The following KLHL1 variants were observed in gnomAD, a reference collection of about 807,000 sequenced individuals.
KLHL1 encodes kelch like family member 1.
A neutral mutation model predicts 77.7 loss-of-function variants in KLHL1; 47 were observed. The observed-to-expected ratio is 0.60, with a 90% CI of 0.48 to 0.77. KLHL1 has a LOEUF of 0.77. KLHL1 is among the 30% of genes least tolerant of loss of function. The pLI, the probability that KLHL1 is intolerant of heterozygous loss-of-function variation, is 0.00. For missense variants in KLHL1, 925 were observed against 910.8 expected (o/e 1.02, Z -0.20); for synonymous variants, 360 against 325.2 (o/e 1.11, Z -1.15).
chr13:69,703,221 G>A (rs73520082), intron 10 of KLHL1, among the ~76,000 whole-genome samples: 1,913 of 151,414 alleles, frequency 0.013, 53 homozygotes, highest in African/African-American at 0.044. Flanking sequence ...CCATCGTCTG[G>A]TAATGTCATA....
intron 3 of KLHL1, among the ~76,000 whole-genome samples, chr13:69,943,703 C>T (rs188417246): frequency 1.8e-4 from 27 of 152,066 alleles, no homozygotes; most frequent in Admixed American, 9.8e-4. Flanking sequence ...GAAAATAATA[C>T]AAACACATTA....
chr13:69,753,740 T>C (rs946909790), intron 7 of KLHL1, among the ~76,000 whole-genome samples: 5 of 152,206 alleles, frequency 3.3e-5, no homozygotes, highest in Non-Finnish European at 5.9e-5. Context: ...TTCTCTACTG[T>C]ATTCTAACAG....
At chr13:69,810,838 C>T (rs1877848111) in intron 6 of KLHL1, among the ~76,000 whole-genome samples, 1 of 151,966 alleles carries the variant, frequency 6.6e-6, no homozygotes, top group African/African-American at 2.4e-5. Context: ...TCAGAGAGTG[C>T]TATGAACACC....
At chr13:69,847,101 T>C (rs983838798) in intron 5 of KLHL1, among the ~76,000 whole-genome samples, 3 of 151,430 alleles carry the variant, frequency 2.0e-5, no homozygotes, top group Non-Finnish European at 3.0e-5. Flanking sequence ...CTATATTGCC[T>C]GTATAGATGC....
At chr13:69,958,474 C>A (rs1046012324) in intron 3 of KLHL1, among the ~76,000 whole-genome samples, 3 of 151,638 alleles carry the variant, frequency 2.0e-5, no homozygotes, top group African/African-American at 7.3e-5. Flanking sequence ...ATCATTGAAG[C>A]TTATCTCAAA....
intron 3 of KLHL1, among the ~76,000 whole-genome samples, chr13:69,955,924 TATATATATTTG>T (rs1274206305): frequency 8.7e-6 from 1 of 115,336 alleles, no homozygotes; most frequent in African/African-American, 3.0e-5. Context: ...TATATATATT[TATATATATTTG>T]ATATATATTT....
intron 1 of KLHL1, among the ~76,000 whole-genome samples, chr13:70,071,897 C>A (rs1887146823): frequency 6.6e-6 from 1 of 151,836 alleles, no homozygotes; most frequent in African/African-American, 2.4e-5. Flanking sequence ...TTCAGCCCCC[C>A]AAAACTGGAA....
At chr13:69,808,183 C>T (rs1194017065) in intron 6 of KLHL1, among the ~76,000 whole-genome samples, 7 of 152,112 alleles carry the variant, frequency 4.6e-5, no homozygotes, top group East Asian at 1.9e-4. Flanking sequence ...AGTGGCTCTT[C>T]CCACTGGGCC....
At chr13:69,738,318 C>T (rs1482640141) in intron 8 of KLHL1, among the ~76,000 whole-genome samples, 1 of 152,086 alleles carries the variant, frequency 6.6e-6, no homozygotes, top group African/African-American at 2.4e-5. Flanking sequence ...GCTGAAAACT[C>T]AAAAAGCCAG....
intron 4 of KLHL1, among the ~76,000 whole-genome samples, chr13:69,885,474 G>A (rs1881181824): frequency 6.7e-6 from 1 of 150,300 alleles, no homozygotes; most frequent in African/African-American, 2.5e-5. Flanking sequence ...TCTCCTTGCT[G>A]TTTTATTTTT....
In KLHL1 at chr13:69,878,734, A is replaced by T. The variant is rs574055841; in HGVS notation, c.1227+3549T>A. On this transcript the variant is annotated intron_variant, in intron 5 of 10. Transcript: ENST00000377844. The stretch of plus-strand genomic sequence containing the variant: ...TATAGAGAGAGAGAGAGAGAGAGAG[A>T]GTGAGAGAGAGAAAGATTGAATACC... Among the ~76,000 whole-genome samples, 13 of 151,336 alleles carry T rather than the reference A, an allele frequency of 8.6e-5. 1 individual carries two copies. The East Asian group carries it at 1.6e-3, about 18-fold the overall frequency.
chr13:70,022,193 C>T (rs1202721557), intron 1 of KLHL1, among the ~76,000 whole-genome samples: 1 of 151,608 alleles, frequency 6.6e-6, no homozygotes, highest in African/African-American at 2.4e-5. Context: ...TCTTTAGATG[C>T]GGCTATCCAG....
chr13:69,848,728 A>G (rs972107543), intron 5 of KLHL1, among the ~76,000 whole-genome samples: 1 of 151,550 alleles, frequency 6.6e-6, no homozygotes, highest in East Asian at 1.9e-4. Context: ...AAAAAAATGC[A>G]TATGAAATAA....
chr13:69,877,485 G>A (rs1023999176), intron 5 of KLHL1, among the ~76,000 whole-genome samples: 8 of 150,950 alleles, frequency 5.3e-5, no homozygotes, highest in African/African-American at 1.7e-4. Context: ...TTTTTTTTCA[G>A]TCATTCTCTA....
intron 4 of KLHL1, among the ~76,000 whole-genome samples, chr13:69,921,858 C>A: frequency 6.6e-6 from 1 of 150,566 alleles, no homozygotes; most frequent in East Asian, 1.9e-4. Flanking sequence ...TAATAATAAG[C>A]TTTCTGGGAG....
intron 1 of KLHL1, among the ~76,000 whole-genome samples, chr13:69,978,627 C>A (rs1179272939): frequency 6.6e-6 from 1 of 151,806 alleles, no homozygotes; most frequent in Non-Finnish European, 1.5e-5. Flanking sequence ...GCTGGGATTA[C>A]AGGCATGCAC....
intron 4 of KLHL1, among the ~76,000 whole-genome samples, chr13:69,902,455 G>T (rs1881900220): frequency 3.3e-5 from 5 of 152,118 alleles, no homozygotes; most frequent in Admixed American, 3.3e-4. Flanking sequence ...GATGTGTATT[G>T]TAACATTTTA....
intron 5 of KLHL1, among the ~76,000 whole-genome samples, chr13:69,843,596 T>C (rs1028575108): frequency 6.6e-6 from 1 of 151,764 alleles, no homozygotes; most frequent in Non-Finnish European, 1.5e-5. Flanking sequence ...TATTTTTACA[T>C]AAATAGGACT....
chr13:69,848,502 AT>A (rs1260448261), intron 5 of KLHL1, among the ~76,000 whole-genome samples: 1 of 151,562 alleles, frequency 6.6e-6, no homozygotes, highest in Non-Finnish European at 1.5e-5. Context: ...AGACTGTAGT[AT>A]TTCCCAATCC....
Sources: gnomAD v4.1 joint callset for allele counts (sites outside exome capture counted in the v4.1 genomes callset) on GRCh38, gnomAD v4.1.1 for gene constraint, MANE v1.5 for transcripts, NCBI Gene and HGNC (gene_info 2026-07-23, HGNC 2026-07-21) for gene names.